The following MEIKIN variants were observed in gnomAD, a reference collection of about 807,000 sequenced individuals.
The protein encoded by MEIKIN is meiosis-specific kinetochore protein.
intron 5 of MEIKIN, among the ~76,000 whole-genome samples, chr5:131,930,984 T>C (rs1751680074): frequency 6.6e-6 from 1 of 152,224 alleles, no homozygotes; most frequent in Non-Finnish European, 1.5e-5. Context: ...TTTCTGGGGA[T>C]TTATCTTGTT....
At chr5:131,823,174 G>A (rs866003035) in intron 11 of MEIKIN, among the ~76,000 whole-genome samples, 1 of 151,656 alleles carries the variant, frequency 6.6e-6, no homozygotes, top group Non-Finnish European at 1.5e-5. Context: ...GGTAGTCTTC[G>A]GATTAAATCT....
chr5:131,885,868 G>C (rs989977669), intron 8 of MEIKIN, among the ~76,000 whole-genome samples: 1 of 152,194 alleles, frequency 6.6e-6, no homozygotes, highest in East Asian at 1.9e-4. Flanking sequence ...CTTTTAGATA[G>C]ACAATGCAAA....
chr5:131,831,092 T>G (rs1749709054), intron 11 of MEIKIN, among the ~76,000 whole-genome samples: 1 of 152,192 alleles, frequency 6.6e-6, no homozygotes, highest in South Asian at 2.1e-4. Flanking sequence ...GAGACAAGGT[T>G]TCGCCATATT....
intron 11 of MEIKIN, among the ~76,000 whole-genome samples, chr5:131,841,029 T>C (rs903673436): frequency 4.6e-5 from 7 of 152,168 alleles, no homozygotes; most frequent in Non-Finnish European, 7.3e-5. Flanking sequence ...TTTTTCTTTA[T>C]CTTATTTGAT....
intron 8 of MEIKIN, among the ~76,000 whole-genome samples, chr5:131,899,634 G>A (rs139377393): frequency 2.6e-5 from 4 of 151,680 alleles, no homozygotes; most frequent in Admixed American, 2.6e-4. Flanking sequence ...GTAAATAAAG[G>A]GATGCAAAGA....
chr5:131,866,812 G>GT (rs1280206390), intron 9 of MEIKIN, among the ~76,000 whole-genome samples: 1 of 152,044 alleles, frequency 6.6e-6, no homozygotes, highest in African/African-American at 2.4e-5. Context: ...GGATGGGGAA[G>GT]TTTTTTTATT....
At chr5:131,917,135 T>G (rs1404309927) in intron 6 of MEIKIN, among the ~76,000 whole-genome samples, 1 of 152,226 alleles carries the variant, frequency 6.6e-6, no homozygotes, top group Non-Finnish European at 1.5e-5. Flanking sequence ...ATCTCTCCCT[T>G]GTATTTGAAT....
At chr5:131,820,804 G>A (rs1487373778) in intron 11 of MEIKIN, among the ~76,000 whole-genome samples, 1 of 152,100 alleles carries the variant, frequency 6.6e-6, no homozygotes, top group African/African-American at 2.4e-5. Context: ...TTGGCATATA[G>A]TTGCTCATAG....
At chr5:131,892,205 C>A (rs1311164539) in intron 8 of MEIKIN, among the ~76,000 whole-genome samples, 1 of 152,124 alleles carries the variant, frequency 6.6e-6, no homozygotes, top group Non-Finnish European at 1.5e-5. Flanking sequence ...TGGATTTGCT[C>A]TTCTCGAGGA....
At chr5:131,867,738 G>A (rs1750410842) in intron 9 of MEIKIN, among the ~76,000 whole-genome samples, 1 of 152,082 alleles carries the variant, frequency 6.6e-6, no homozygotes, top group Non-Finnish European at 1.5e-5. Flanking sequence ...ATATTCCATT[G>A]TCTGGATATA....
At chr5:131,879,950 C>T (rs1750677652) in intron 8 of MEIKIN, among the ~76,000 whole-genome samples, 1 of 152,108 alleles carries the variant, frequency 6.6e-6, no homozygotes. Flanking sequence ...GATGGAGTCT[C>T]ACTCTGTTCC....
intron 7 of MEIKIN, among the ~76,000 whole-genome samples, chr5:131,913,693 T>C (rs1353914209): frequency 6.6e-6 from 1 of 152,214 alleles, no homozygotes; most frequent in South Asian, 2.1e-4. Flanking sequence ...AAACTCCACA[T>C]AGATAATTCT....
chr5:131,861,960 C>T (rs1192975145), intron 9 of MEIKIN, among the ~76,000 whole-genome samples: 1 of 152,052 alleles, frequency 6.6e-6, no homozygotes, highest in Non-Finnish European at 1.5e-5. Context: ...TAATGTTAGC[C>T]GCAAAGAGTG....
chr5:131,895,389 G>A (rs905585704), intron 8 of MEIKIN, among the ~76,000 whole-genome samples: 26 of 152,198 alleles, frequency 1.7e-4, no homozygotes, highest in Non-Finnish European at 1.2e-4. Context: ...GTATCAGGAT[G>A]ATGCTGGCCT....
chr5:131,885,075 C>T (rs1402633230), intron 8 of MEIKIN, among the ~76,000 whole-genome samples: 1 of 152,176 alleles, frequency 6.6e-6, no homozygotes, highest in Non-Finnish European at 1.5e-5. Flanking sequence ...TGGACAGCCA[C>T]TCTGGACCTG....
At chr5:131,916,479 T>C (rs182006372) in intron 7 of MEIKIN, among the ~76,000 whole-genome samples, 1 of 152,344 alleles carries the variant, frequency 6.6e-6, no homozygotes, top group Admixed American at 6.5e-5. Flanking sequence ...CATCTCCACT[T>C]CAAAGTGCTG....
chr5:131,866,481 C>T (rs1750387538), intron 9 of MEIKIN, among the ~76,000 whole-genome samples: 1 of 152,198 alleles, frequency 6.6e-6, no homozygotes, highest in South Asian at 2.1e-4. Context: ...GAGGCAGCAG[C>T]AGCTGTGCTG....
chr5:131,878,459 C>T (rs550459426), intron 9 of MEIKIN, among the ~76,000 whole-genome samples: 11 of 152,014 alleles, frequency 7.2e-5, no homozygotes, highest in Middle Eastern at 3.4e-3. Flanking sequence ...CCCAGCTACT[C>T]GGGAGGCTGA....
intron 5 of MEIKIN, among the ~76,000 whole-genome samples, chr5:131,931,946 C>T (rs1319394092): frequency 6.6e-6 from 1 of 152,086 alleles, no homozygotes; most frequent in Non-Finnish European, 1.5e-5. Context: ...AAGTGGTATC[C>T]CTATGGCCTA....
Sources: allele counts gnomAD v4.1 joint callset (sites outside exome capture counted in the v4.1 genomes callset), GRCh38; gene constraint gnomAD v4.1.1; transcripts MANE v1.5; gene names NCBI Gene and HGNC (gene_info 2026-07-23, HGNC 2026-07-21).